ABCC11: variants seen among roughly 807,000 people sequenced by gnomAD.
The protein encoded by ABCC11 is ATP binding cassette subfamily C member 11.
ABCC11 carries 135 observed loss-of-function variants against 149.3 expected under a neutral mutation model. The observed-to-expected ratio is 0.90, with a 90% CI of 0.79 to 1.04. ABCC11 has a LOEUF of 1.04. Among genes scored for constraint, ABCC11 ranks in the 50% least tolerant of loss-of-function variants. The pLI is 0.00. For missense variants in ABCC11, 1,680 were observed against 1,722.1 expected (o/e 0.98, Z 0.43); for synonymous variants, 665 against 671.4 (o/e 0.99, Z 0.15).
intron 9 of ABCC11, among the ~76,000 whole-genome samples, chr16:48,214,432 C>G (rs1158994908): frequency 6.6e-6 from 1 of 152,114 alleles, no homozygotes; most frequent in Non-Finnish European, 1.5e-5. Flanking sequence ...AAGAGCAGCA[C>G]CCTGTCTTAT....
intron 11 of ABCC11, 61 bp from the exon 12 acceptor site, chr16:48,208,557 C>A: frequency 6.3e-7 from 1 of 1,584,894 alleles, no homozygotes; most frequent in Non-Finnish European, 8.6e-7. Flanking sequence ...ACCCACCTGC[C>A]CATGGCGGCT....
chr16:48,227,776 T>A, intron 4 of ABCC11, 30 bp downstream of exon 4: 1 of 1,613,414 alleles, frequency 6.2e-7, no homozygotes, highest in Non-Finnish European at 8.5e-7. Context: ...TCTTTTAACC[T>A]ATCCACTGGT....
In ABCC11 at chr16:48,241,096, G is replaced by T. The variant is rs1212049053; in HGVS notation, c.-19+6218C>A. 2.6e-5 allele frequency among the ~76,000 whole-genome samples: 4 copies of T among 151,932 alleles called. No homozygotes were observed. The South Asian group carries it at 8.3e-4, about 32-fold the overall frequency. On this transcript the variant is annotated intron_variant, in intron 1 of 29. Transcript: ENST00000356608. ...ATTACAGGCACGCACCACCACACCT[G>T]GCTAATTTTCTGTATTTTTAATAGA...
chr16:48,228,180 T>C (rs1970201752), intron 3 of ABCC11, among the ~76,000 whole-genome samples: 1 of 150,990 alleles, frequency 6.6e-6, no homozygotes, highest in African/African-American at 2.4e-5. Context: ...CTACCCATAC[T>C]ATAAAATGCA....
chr16:48,192,628 G>T lies in ABCC11; in HGVS notation c.2598C>A (p.Tyr866Ter). 6.2e-7 allele frequency: 1 copy of T among 1,614,144 alleles called. No individual in the cohort carries two copies. Among genetic ancestry groups the T allele is most frequent in the Non-Finnish European group, 8.5e-7 (1 of 1,180,014 alleles). Residue 866 changes from tyrosine (Y) to a stop codon, truncating the protein, a stop_gained, in exon 20 of 30, where the codon TAC (tyrosine) becomes TAA (stop). Transcript: ENST00000356608. LOFTEE classifies it high-confidence loss of function. The stretch of plus-strand genomic sequence containing the variant: ...AGATGAGGAGCAGGGCGTTGAGCCC[G>T]TACACCAGCTGGTAGAAGGACAGTT... ...NPQLSFYQLV[Y>*]GLNALLLICV...
chr16:48,220,788 T>C (rs1203177303), intron 6 of ABCC11, among the ~76,000 whole-genome samples: 1 of 152,236 alleles, frequency 6.6e-6, no homozygotes, highest in African/African-American at 2.4e-5. Flanking sequence ...CTCTACTTGA[T>C]GGCAATGAAT....
At chr16:48,228,050 GTT>G in intron 3 of ABCC11, 86 bp from the exon 4 acceptor site, 1 of 946,152 alleles carries the variant, frequency 1.1e-6, no homozygotes, top group Non-Finnish European at 1.3e-6. Context: ...ACACAACGAG[GTT>G]ACCCAGATCT....
chr16:48,213,580 G>A (rs763984729), intron 9 of ABCC11, 30 bp from the exon 10 acceptor site: 25 of 1,564,822 alleles, frequency 1.6e-5, no homozygotes, highest in Non-Finnish European at 2.0e-5. Context: ...GGTGGTGAGG[G>A]TCGTGGCCCT....
intron 6 of ABCC11, among the ~76,000 whole-genome samples, chr16:48,220,978 G>A (rs1969697749): frequency 6.6e-6 from 1 of 152,204 alleles, no homozygotes; most frequent in Non-Finnish European, 1.5e-5. Context: ...TAGAAGGCTG[G>A]GTTTGGAGAT....
chr16:48,181,611 CTT>C (rs1201878982), intron 23 of ABCC11, among the ~76,000 whole-genome samples: 2 of 142,192 alleles, frequency 1.4e-5, no homozygotes, highest in Non-Finnish European at 1.5e-5. Context: ...ACCACATGTT[CTT>C]TTTTTTTTTT....
chr16:48,210,925 C>A, intron 11 of ABCC11, 23 bp downstream of exon 11: 1 of 1,607,930 alleles, frequency 6.2e-7, no homozygotes, highest in Non-Finnish European at 8.5e-7. Context: ...GCTGGCCTGC[C>A]TGCGTGGCCT....
Position 48,186,996 on chromosome 16 carries a change from T to G in ABCC11, c.3028A>C (p.Ser1010Arg), listed in dbSNP as rs1165290126. ...SHILNSLQGLSSIHVYGKTED... is the reference protein window; with the variant it reads ...SHILNSLQGLRSIHVYGKTED... The stretch of plus-strand genomic sequence containing the variant: ...GTTTTTCCATAGACATGGATGGAGC[T>G]CAGGCCTTGCAGAGAATTGAGGATG... The change falls in exon 22 of 30, where the codon AGC (serine) becomes CGC (arginine). Residue 1010 changes from serine (S) to arginine (R), a missense_variant. Ser to Arg is a moderately radical substitution (Grantham distance 110, BLOSUM62 -1). Transcript: ENST00000356608. The G allele has an allele frequency of 1.1e-5, 17 of 1,614,014 alleles. 2 individuals carry two copies. In the East Asian group the frequency reaches 1.1e-4, roughly 11 times the overall value.
chr16:48,170,330 G>A (rs1019229686), intron 27 of ABCC11, 112 bp from the exon 28 acceptor site: 39 of 804,222 alleles, frequency 4.8e-5, no homozygotes, highest in Middle Eastern at 2.3e-4. Flanking sequence ...CTCTCTCTAC[G>A]CTCCAGCCTC....
chr16:48,192,703 T>G lies in ABCC11; in HGVS notation c.2523A>C (p.Arg841=). 1 of 1,614,180 alleles carries G rather than the reference T, an allele frequency of 6.2e-7. No homozygotes were observed. Among genetic ancestry groups the G allele is most frequent in the Non-Finnish European group, 8.5e-7 (1 of 1,180,024 alleles). Residue 841 remains arginine (R), a synonymous_variant, in exon 20 of 30, where the codon CGA becomes CGC. Coordinates refer to ENST00000356608, the MANE Select transcript of ABCC11 (RefSeq NM_001370497.1). The stretch of plus-strand genomic sequence containing the variant: ...GGTCTGCCATGGTTCCATTGCTCTC[T>G]CGGCTGCTATTGGTCTTCAAGAAAG... The part of the protein sequence containing the change: ...LEQGSGTNSS[R]ESNGTMADLG...
intron 26 of ABCC11, among the ~76,000 whole-genome samples, chr16:48,173,814 A>G (rs1965868215): frequency 7.9e-6 from 1 of 126,732 alleles, no homozygotes; most frequent in Non-Finnish European, 1.7e-5. Context: ...TAGCAGAGAC[A>G]GGGTTTTGTC....
intron 26 of ABCC11, among the ~76,000 whole-genome samples, chr16:48,173,722 T>A (rs941303702): frequency 6.6e-6 from 1 of 152,172 alleles, no homozygotes; most frequent in Non-Finnish European, 1.5e-5. Context: ...CCTCCCGGGC[T>A]CATGCGATTC....
At chr16:48,234,079 C>A (rs1970563154) in intron 1 of ABCC11, among the ~76,000 whole-genome samples, 1 of 152,210 alleles carries the variant, frequency 6.6e-6, no homozygotes, top group African/African-American at 2.4e-5. Flanking sequence ...AGACAATCAA[C>A]AAAATGATAA....
chr16:48,192,450 A>AAAAAATAG, intron 20 of ABCC11, 70 bp downstream of exon 20: 1 of 1,523,502 alleles, frequency 6.6e-7, no homozygotes, highest in Non-Finnish European at 8.9e-7. Flanking sequence ...TAAAAAAATA[A>AAAAAATAG]AAAAATAAAA....
intron 22 of ABCC11, among the ~76,000 whole-genome samples, chr16:48,185,275 A>G (rs895815100): frequency 1.3e-5 from 2 of 152,348 alleles, no homozygotes; most frequent in Non-Finnish European, 2.9e-5. Context: ...AAGAAATTAA[A>G]AAGTTTATTC....
Sources: allele counts gnomAD v4.1 joint callset (sites outside exome capture counted in the v4.1 genomes callset), GRCh38; gene constraint gnomAD v4.1.1; transcripts MANE v1.5; gene names NCBI Gene and HGNC (gene_info 2026-07-23, HGNC 2026-07-21).